TJP1: variants seen among roughly 807,000 people sequenced by gnomAD.
The protein encoded by TJP1 is tight junction protein 1, also known as tight junction protein ZO-1.
In TJP1, 43 loss-of-function variants were observed where a neutral mutation model predicts 194.2. That is an observed-to-expected ratio of 0.22 (90% CI 0.17 to 0.29). TJP1 has a LOEUF of 0.29. Ranked by LOEUF, TJP1 falls within the 10% of genes least tolerant of loss-of-function variation. The pLI, the probability that TJP1 is intolerant of heterozygous loss-of-function variation, is 1.00. For synonymous variants in TJP1, 801 were observed against 779.0 expected (o/e 1.03, Z -0.47); for missense variants, 1,971 against 2,185.7 (o/e 0.90, Z 1.96).
intron 2 of TJP1, among the ~76,000 whole-genome samples, chr15:29,910,513 G>A (rs988734088): frequency 2.0e-5 from 3 of 152,134 alleles, no homozygotes; most frequent in Non-Finnish European, 4.4e-5. Flanking sequence ...TTTAAACACT[G>A]TTTATATGTA....
chr15:29,724,956 A>G (rs560761988), intron 18 of TJP1, among the ~76,000 whole-genome samples: 3 of 152,348 alleles, frequency 2.0e-5, no homozygotes, highest in Admixed American at 1.3e-4. Context: ...CAGATACTAC[A>G]AATGTATACT....
At chr15:29,905,697 G>T (rs1035879382) in intron 2 of TJP1, among the ~76,000 whole-genome samples, 1 of 152,162 alleles carries the variant, frequency 6.6e-6, no homozygotes, top group Non-Finnish European at 1.5e-5. Context: ...ACAAAGAAAT[G>T]AGCTATTACC....
At chr15:29,875,897 C>T (rs2052681561) in intron 2 of TJP1, among the ~76,000 whole-genome samples, 1 of 152,196 alleles carries the variant, frequency 6.6e-6, no homozygotes, top group South Asian at 2.1e-4. Flanking sequence ...ACATTGTCAC[C>T]AGGCTCCCTG....
intron 1 of TJP1, among the ~76,000 whole-genome samples, chr15:29,958,021 C>T (rs1237288157): frequency 6.6e-6 from 1 of 152,132 alleles, no homozygotes; most frequent in African/African-American, 2.4e-5. Context: ...GATTTCCCAC[C>T]TTGAACATGG....
intron 9 of TJP1, 112 bp from the exon 10 acceptor site, chr15:29,741,548 C>A: frequency 1.4e-6 from 1 of 693,114 alleles, no homozygotes; most frequent in South Asian, 1.8e-5. Context: ...AGGAACATAT[C>A]TACCATATGT....
chr15:29,949,143 T>C (rs1373428732), intron 2 of TJP1, among the ~76,000 whole-genome samples: 466 of 52,484 alleles, frequency 8.9e-3, no homozygotes, highest in South Asian at 0.025. Flanking sequence ...ACCTCCACCT[T>C]CACCACCTCC....
intron 23 of TJP1, 152 bp downstream of exon 23, chr15:29,716,459 C>T (rs2042568117): frequency 1.7e-6 from 1 of 597,898 alleles, no homozygotes; most frequent in Non-Finnish European, 2.8e-6. Context: ...ACAAAACACA[C>T]ATCCCAGAAC....
chr15:29,814,074 A>C (rs909583024), intron 1 of TJP1, among the ~76,000 whole-genome samples: 3 of 152,214 alleles, frequency 2.0e-5, no homozygotes, highest in Non-Finnish European at 1.5e-5. Flanking sequence ...TATTGATACC[A>C]AACATATGCA....
intron 17 of TJP1, 70 bp from the exon 18 acceptor site, chr15:29,726,549 C>G (rs1706422765): frequency 7.0e-7 from 1 of 1,431,494 alleles, no homozygotes; most frequent in Non-Finnish European, 9.8e-7. Flanking sequence ...TTCAACCCTG[C>G]TTACAGCTAA....
At chr15:29,770,679 CAAAAAAAAAAA>C (rs60161755) in intron 4 of TJP1, among the ~76,000 whole-genome samples, 13 of 141,906 alleles carry the variant, frequency 9.2e-5, no homozygotes, top group African/African-American at 3.4e-4. Flanking sequence ...GACTCTGTCT[CAAAAAAAAAAA>C]AGAAAAAAAC....
At chr15:29,832,875 G>A (rs1199113497) in intron 2 of TJP1, among the ~76,000 whole-genome samples, 1 of 152,188 alleles carries the variant, frequency 6.6e-6, no homozygotes, top group Non-Finnish European at 1.5e-5. Flanking sequence ...TTTCTCCCCT[G>A]ACACAATTCT....
chr15:29,776,759 G>C (rs1036142933), intron 2 of TJP1, among the ~76,000 whole-genome samples: 9 of 152,120 alleles, frequency 5.9e-5, no homozygotes, highest in Admixed American at 2.0e-4. Context: ...AAAATCATGT[G>C]TTAATATCAC....
chr15:29,750,132 C>T (rs1008492445), intron 8 of TJP1, among the ~76,000 whole-genome samples: 2 of 151,980 alleles, frequency 1.3e-5, no homozygotes, highest in African/African-American at 2.4e-5. Flanking sequence ...CTCAGTCTCC[C>T]GAGCAGCTGG....
At chr15:29,745,087 C>T (rs1298773154) in intron 8 of TJP1, among the ~76,000 whole-genome samples, 3 of 151,586 alleles carry the variant, frequency 2.0e-5, no homozygotes, top group African/African-American at 7.3e-5. Flanking sequence ...GCAGTCATTC[C>T]TAAACAAAAA....
intron 2 of TJP1, among the ~76,000 whole-genome samples, chr15:29,839,780 T>C (rs988094739): frequency 2.0e-5 from 3 of 152,220 alleles, no homozygotes; most frequent in African/African-American, 7.2e-5. Flanking sequence ...AAATGATAAG[T>C]TGTATGGTAA....
At chr15:29,821,351 A>C (rs557832821) in intron 1 of TJP1, 2 of 152,234 alleles carry the variant, frequency 1.3e-5, no homozygotes, top group East Asian at 1.9e-4. Context: ...AATACTTTGT[A>C]TTACTTGTGA....
chr15:29,966,914 G>A (rs377528750), intron 1 of TJP1, among the ~76,000 whole-genome samples: 8 of 152,024 alleles, frequency 5.3e-5, no homozygotes, highest in African/African-American at 1.9e-4. Context: ...TGTAGTGACA[G>A]TCTTCATTTA....
intron 8 of TJP1, among the ~76,000 whole-genome samples, chr15:29,751,979 C>A (rs1393027595): frequency 6.6e-6 from 1 of 152,086 alleles, no homozygotes; most frequent in Admixed American, 6.6e-5. Context: ...GGCTACAGTT[C>A]AGTGGCGTGA....
At chr15:29,909,026 G>A (rs1246516986) in intron 2 of TJP1, among the ~76,000 whole-genome samples, 1 of 151,772 alleles carries the variant, frequency 6.6e-6, no homozygotes, top group Non-Finnish European at 1.5e-5. Flanking sequence ...GTGTGGTGGT[G>A]GGCGCCTGTA....
Sources: gnomAD v4.1 joint callset for allele counts (sites outside exome capture counted in the v4.1 genomes callset) on GRCh38, gnomAD v4.1.1 for gene constraint, MANE v1.5 for transcripts, NCBI Gene and HGNC (gene_info 2026-07-23, HGNC 2026-07-21) for gene names.